PTPRD: variants seen among roughly 807,000 people sequenced by gnomAD.
PTPRD encodes receptor-type tyrosine-protein phosphatase delta.
Under a neutral mutation model 214.5 loss-of-function variants are expected in PTPRD, and 34 were observed. That is an observed-to-expected ratio of 0.16 (90% CI 0.12 to 0.21). The LOEUF is 0.21. PTPRD is among the 10% of genes least tolerant of loss of function. The pLI, the probability that PTPRD is intolerant of heterozygous loss-of-function variation, is 1.00. For synonymous variants in PTPRD, 1,128 were observed against 845.7 expected (o/e 1.33, Z -5.79); for missense variants, 2,545 against 2,398.7 (o/e 1.06, Z -1.27).
chr9:9,165,386 G>A (rs868280243), intron 10 of PTPRD, among the ~76,000 whole-genome samples: 7 of 152,226 alleles, frequency 4.6e-5, no homozygotes, highest in South Asian at 2.1e-4. Context: ...GGTCTTCTCC[G>A]GAGAAACAAA....
At chr9:10,135,554 G>C (rs1029895151) in intron 3 of PTPRD, among the ~76,000 whole-genome samples, 1 of 152,054 alleles carries the variant, frequency 6.6e-6, no homozygotes, top group East Asian at 1.9e-4. Context: ...TTACAAGCCA[G>C]GAAAGATGGG....
intron 7 of PTPRD, among the ~76,000 whole-genome samples, chr9:9,597,098 T>G (rs1253738569): frequency 1.3e-5 from 2 of 151,790 alleles, no homozygotes; most frequent in Non-Finnish European, 2.9e-5. Flanking sequence ...ATGAAAGTAA[T>G]CAGTGAGACA....
intron 8 of PTPRD, among the ~76,000 whole-genome samples, chr9:9,451,791 C>T (rs902045172): frequency 1.3e-5 from 2 of 150,804 alleles, no homozygotes; most frequent in African/African-American, 4.9e-5. Flanking sequence ...ATAAAAAATA[C>T]AAAAATTAAT....
intron 14 of PTPRD, among the ~76,000 whole-genome samples, chr9:8,599,647 G>A (rs868067380): frequency 1.4e-3 from 105 of 72,596 alleles, no homozygotes; most frequent in African/African-American, 5.4e-3. Context: ...TTTTGAAACG[G>A]AGTTTCACTC....
At chr9:10,552,401 T>G (rs1403979671) in intron 2 of PTPRD, among the ~76,000 whole-genome samples, 1 of 152,156 alleles carries the variant, frequency 6.6e-6, no homozygotes, top group Non-Finnish European at 1.5e-5. Flanking sequence ...ATTTCTTGAG[T>G]GCTGAAACCT....
intron 3 of PTPRD, among the ~76,000 whole-genome samples, chr9:10,203,504 G>A (rs183080963): frequency 2.0e-3 from 310 of 152,096 alleles, no homozygotes; most frequent in Non-Finnish European, 3.9e-3. Flanking sequence ...TGAGGGTAAG[G>A]CATCTATATT....
chr9:9,019,300 G>GAAAGAAAGA (rs1289052522), intron 10 of PTPRD, among the ~76,000 whole-genome samples: 2 of 63,210 alleles, frequency 3.2e-5, no homozygotes, highest in African/African-American at 1.3e-4. Context: ...AAGAAAGAAA[G>GAAAGAAAGA]AAAGAAAGAA....
chr9:10,552,595 T>G (rs1194788733), intron 2 of PTPRD, among the ~76,000 whole-genome samples: 1 of 152,188 alleles, frequency 6.6e-6, no homozygotes, highest in Non-Finnish European at 1.5e-5. Context: ...CCTACCACTG[T>G]GGACGCTAGA....
chr9:8,861,655 A>T (rs139457216), intron 11 of PTPRD: 68 of 152,340 alleles, frequency 4.5e-4, no homozygotes, highest in Middle Eastern at 3.4e-3. Flanking sequence ...TTTGACTTCA[A>T]ATCCAATATT....
chr9:10,254,805 A>C (rs1443987880), intron 3 of PTPRD, among the ~76,000 whole-genome samples: 1 of 152,210 alleles, frequency 6.6e-6, no homozygotes, highest in Admixed American at 6.5e-5. Flanking sequence ...AGCTATGCTT[A>C]TCATCTGTAT....
At chr9:9,296,564 G>C (rs1953128625) in intron 9 of PTPRD, among the ~76,000 whole-genome samples, 1 of 151,844 alleles carries the variant, frequency 6.6e-6, no homozygotes, top group Non-Finnish European at 1.5e-5. Flanking sequence ...AATGGGGATA[G>C]AGTGATAGTA....
At chr9:9,488,015 G>T (rs2095728734) in intron 8 of PTPRD, among the ~76,000 whole-genome samples, 1 of 152,092 alleles carries the variant, frequency 6.6e-6, no homozygotes, top group Non-Finnish European at 1.5e-5. Flanking sequence ...CTATTTGTGT[G>T]CCATAAACCT....
intron 4 of PTPRD, among the ~76,000 whole-genome samples, chr9:9,999,066 A>C (rs1306038446): frequency 6.6e-6 from 1 of 152,210 alleles, no homozygotes; most frequent in African/African-American, 2.4e-5. Flanking sequence ...AGGAAGCCTC[A>C]AGGCATTAGC....
intron 31 of PTPRD, among the ~76,000 whole-genome samples, chr9:8,466,986 G>A (rs1352543440): frequency 2.0e-5 from 3 of 151,752 alleles, no homozygotes; most frequent in African/African-American, 2.4e-5. Context: ...GAATTTGATC[G>A]TACGTTACAG....
chr9:10,422,432 T>C, intron 2 of PTPRD, among the ~76,000 whole-genome samples: 1 of 151,806 alleles, frequency 6.6e-6, no homozygotes, highest in East Asian at 1.9e-4. Flanking sequence ...CCAAAAGCAA[T>C]GGTAACAAAA....
At chr9:10,117,091 G>C (rs570398468) in intron 3 of PTPRD, among the ~76,000 whole-genome samples, 1 of 152,030 alleles carries the variant, frequency 6.6e-6, no homozygotes, top group Non-Finnish European at 1.5e-5. Flanking sequence ...CATCAGAGCA[G>C]GAATTTGTAT....
chr9:9,527,073 T>C (rs2154260612), intron 8 of PTPRD, among the ~76,000 whole-genome samples: 1 of 152,328 alleles, frequency 6.6e-6, no homozygotes, highest in East Asian at 1.9e-4. Flanking sequence ...GCTTGAGAGC[T>C]GATTTAATTT....
At chr9:10,008,512 T>G (rs2096533939) in intron 4 of PTPRD, among the ~76,000 whole-genome samples, 1 of 152,056 alleles carries the variant, frequency 6.6e-6, no homozygotes, top group African/African-American at 2.4e-5. Flanking sequence ...GGGATATATG[T>G]AACATGCATG....
intron 2 of PTPRD, among the ~76,000 whole-genome samples, chr9:10,560,308 A>G (rs2063601660): frequency 6.6e-6 from 1 of 152,110 alleles, no homozygotes; most frequent in Admixed American, 6.6e-5. Flanking sequence ...TATTGCAAGA[A>G]CAAAAAAACA....
Sources: allele counts gnomAD v4.1 joint callset (sites outside exome capture counted in the v4.1 genomes callset), GRCh38; gene constraint gnomAD v4.1.1; transcripts MANE v1.5; gene names NCBI Gene and HGNC (gene_info 2026-07-23, HGNC 2026-07-21).